FASTKD1: variants seen among roughly 807,000 people sequenced by gnomAD.
FASTKD1 encodes the protein FAST kinase domain-containing protein 1, mitochondrial.
In FASTKD1, 94 loss-of-function variants were observed where a neutral mutation model predicts 90.9. That is an observed-to-expected ratio of 1.03 (90% CI 0.88 to 1.23). The LOEUF is 1.23. FASTKD1 is among the 50% of genes most tolerant of loss of function. The probability of loss-of-function intolerance (pLI) is 0.00; values close to 1 mark genes in which losing one functional copy is unlikely to be tolerated. For synonymous variants in FASTKD1, 319 were observed against 345.8 expected (o/e 0.92, Z 0.86); for missense variants, 945 against 993.5 (o/e 0.95, Z 0.66).
At chr2:169,530,987 G>A (rs778834020) in intron 13 of FASTKD1, 1 of 667,600 alleles carries the variant, frequency 1.5e-6, no homozygotes, top group Non-Finnish European at 2.8e-6. Flanking sequence ...CAAATATGAA[G>A]CAACACAGCT....
At chr2:169,560,842 T>C in intron 4 of FASTKD1, 57 bp from the exon 5 acceptor site, 1 of 809,358 alleles carries the variant, frequency 1.2e-6, no homozygotes, top group Non-Finnish European at 1.6e-6. Flanking sequence ...ATCAATTCTT[T>C]TTTTTTTTTT....
At chr2:169,540,368 A>T (rs192163404) in intron 9 of FASTKD1, among the ~76,000 whole-genome samples, 189 bp from the exon 10 acceptor site, 2 of 152,300 alleles carry the variant, frequency 1.3e-5, no homozygotes, top group Admixed American at 1.3e-4. Flanking sequence ...GGAAAAGGGG[A>T]CAAGAGGAGA....
intron 3 of FASTKD1, among the ~76,000 whole-genome samples, chr2:169,563,572 C>T (rs1479079222): frequency 6.6e-6 from 1 of 151,986 alleles, no homozygotes; most frequent in East Asian, 1.9e-4. Flanking sequence ...GAATGATTTA[C>T]TTAATTTTTT....
At position 169,546,215 on chromosome 2, in the gene FASTKD1, C is replaced by T; in HGVS notation, c.1701+3G>A. ...AAATTAATGTCTACCATTTAAATTT[C>T]ACCTTTTCAATCTGCTGAACAGCCA... is the stretch of plus-strand genomic sequence containing the variant. On this transcript the variant is annotated splice_donor_region_variant and intron_variant, in intron 8 of 14. Coordinates refer to ENST00000453153, the MANE Select transcript of FASTKD1 (RefSeq NM_024622.6). 3 of 1,533,702 alleles carry T rather than the reference C, an allele frequency of 2.0e-6. No individual in the cohort carries two copies. Among genetic ancestry groups the T allele is most frequent in the Non-Finnish European group, 1.8e-6 (2 of 1,142,340 alleles).
At chr2:169,565,249 C>CTTTTTTTTT (rs71003101) in intron 3 of FASTKD1, among the ~76,000 whole-genome samples, 2 of 26,552 alleles carry the variant, frequency 7.5e-5, no homozygotes, top group Non-Finnish European at 1.5e-4. Flanking sequence ...CCACACCAGG[C>CTTTTTTTTT]TTTTTTTTTT....
rs1684369601 is a variant in FASTKD1, at chr2:169,529,051, A to G, written c.*774T>C. On this transcript the variant is annotated 3_prime_UTR_variant, in exon 15 of 15. Transcript: ENST00000453153. ...ATGGCATTGAATACTGCTGACATTT[A>G]TACATTTATATCTGGGGCCTGGACC... Among the ~76,000 whole-genome samples, 1 of 152,084 alleles carries G rather than the reference A, an allele frequency of 6.6e-6. No individual in the cohort carries two copies. The highest frequency in any genetic ancestry group is 2.1e-4 in the South Asian group (1 of 4,814).
intron 10 of FASTKD1, among the ~76,000 whole-genome samples, chr2:169,538,982 T>C (rs933683070): frequency 7.9e-5 from 12 of 152,058 alleles, no homozygotes; most frequent in African/African-American, 2.7e-4. Flanking sequence ...AAAATTCATA[T>C]AGGGGCCAGG....
intron 4 of FASTKD1, among the ~76,000 whole-genome samples, chr2:169,561,003 A>T (rs1683572528): frequency 6.7e-6 from 1 of 149,626 alleles, no homozygotes; most frequent in Admixed American, 6.6e-5. Context: ...ATTTTTTTTA[A>T]AAAAAAGGCA....
chr2:169,537,080 C>T (rs997436151), intron 12 of FASTKD1, 147 bp downstream of exon 12: 1 of 492,678 alleles, frequency 2.0e-6, no homozygotes, highest in Non-Finnish European at 3.6e-6. Flanking sequence ...TATTCTATTG[C>T]TCTTTCTATC....
At chr2:169,532,301 C>T (rs537813955) in intron 12 of FASTKD1, among the ~76,000 whole-genome samples, 2 of 151,464 alleles carry the variant, frequency 1.3e-5, no homozygotes, top group South Asian at 4.2e-4. Flanking sequence ...GCTACTCCGG[C>T]TGAGGAGGCT....
rs774082762 is a variant in FASTKD1 at position 169,529,792 on chromosome 2, G to C, written c.*33C>G. The C allele has an allele frequency of 6.8e-7, 1 of 1,470,594 alleles. No individual in the cohort carries two copies. Among genetic ancestry groups the C allele is most frequent in the Non-Finnish European group, 9.4e-7 (1 of 1,061,226 alleles). The allele number at this position is 1,470,594 out of a possible 1,614,324, so 91.1% of individuals were successfully genotyped here. A position where few individuals can be genotyped will look rare whatever the true frequency, so the allele number is the denominator to read the frequency against. ...CCACTTTATTAAAATAGGTCCAAAT[G>C]TAACACACGATAACATTCATTTTAA... On this transcript the variant is annotated 3_prime_UTR_variant, in exon 15 of 15. Transcript: ENST00000453153.
chr2:169,532,956 T>C (rs982945634), intron 12 of FASTKD1, among the ~76,000 whole-genome samples: 4 of 152,144 alleles, frequency 2.6e-5, no homozygotes, highest in African/African-American at 9.7e-5. Context: ...AAATTTCCCA[T>C]ATCTCCCTAC....
At chr2:169,550,031 CT>C (rs918548346) in intron 7 of FASTKD1, among the ~76,000 whole-genome samples, 30 of 151,454 alleles carry the variant, frequency 2.0e-4, no homozygotes, top group Admixed American at 1.3e-3. Flanking sequence ...TGTTATTCAT[CT>C]TTTTTTTTCT....
intron 8 of FASTKD1, 35 bp downstream of exon 8, chr2:169,546,183 C>G (rs1453914118): frequency 6.6e-7 from 1 of 1,506,712 alleles, no homozygotes; most frequent in Non-Finnish European, 8.8e-7. Flanking sequence ...AAGTTGACAA[C>G]TCTATAAAAT....
intron 10 of FASTKD1, 97 bp from the exon 11 acceptor site, chr2:169,538,238 C>T (rs954909833): frequency 1.0e-6 from 1 of 971,942 alleles, no homozygotes; most frequent in Non-Finnish European, 1.5e-6. Context: ...TTAGTAGATG[C>T]TTTTATTCTA....
chr2:169,559,594 T>C (rs1331108126), intron 5 of FASTKD1, among the ~76,000 whole-genome samples: 1 of 152,158 alleles, frequency 6.6e-6, no homozygotes, highest in Non-Finnish European at 1.5e-5. Context: ...ATTTTGTATT[T>C]TTTTGTACAG....
At chr2:169,573,237 G>GC (rs1684308268) in intron 1 of FASTKD1, 1 of 152,160 alleles carries the variant, frequency 6.6e-6, no homozygotes, top group Non-Finnish European at 1.5e-5. Context: ...CTATTTTGTG[G>GC]CAAGCAGTAC....
chr2:169,531,404 A>AGG lies in FASTKD1; in HGVS notation c.2273_2274dup (p.Trp759ProfsTer8), dbSNP rs748990234. The AGG allele has an allele frequency of 6.2e-7, 1 of 1,613,280 alleles. No individual in the cohort carries two copies. Among genetic ancestry groups the AGG allele is most frequent in the Admixed American group, 1.7e-5 (1 of 59,984 alleles). On this transcript the variant is annotated frameshift_variant, in exon 13 of 15. Transcript: ENST00000453153. LOFTEE classifies it high-confidence loss of function. ...CCAACTATTTCGATATTTGATTCCC[A>AGG]GGGCATTTCTGGTAGTTGTCCCAAT...
At chr2:169,550,730 C>T (rs79133493) in intron 7 of FASTKD1, among the ~76,000 whole-genome samples, 1 of 152,094 alleles carries the variant, frequency 6.6e-6, no homozygotes, top group Admixed American at 6.5e-5. Context: ...CCTCCTGCCT[C>T]AGCCTCTCAA....
Sources: gnomAD v4.1 joint callset for allele counts (sites outside exome capture counted in the v4.1 genomes callset) on GRCh38, gnomAD v4.1.1 for gene constraint, MANE v1.5 for transcripts, NCBI Gene and HGNC (gene_info 2026-07-23, HGNC 2026-07-21) for gene names.